The following OSBPL8 variants were observed in gnomAD, a reference collection of about 807,000 sequenced individuals.
OSBPL8 encodes oxysterol binding protein like 8, also known as oxysterol-binding protein-related protein 8.
OSBPL8 carries 59 observed loss-of-function variants against 125.5 expected under a neutral mutation model. The ratio of observed to expected loss-of-function variants is 0.47; its 90% CI spans 0.38 to 0.58. The LOEUF is 0.58. OSBPL8 is among the 20% of genes least tolerant of loss of function. The probability of loss-of-function intolerance (pLI) is 0.00; values close to 1 mark genes in which losing one functional copy is unlikely to be tolerated. For synonymous variants in OSBPL8, 330 were observed against 338.9 expected (o/e 0.97, Z 0.29); for missense variants, 758 against 1,047.8 (o/e 0.72, Z 3.82).
chr12:76,445,680 T>C (rs905459059), intron 4 of OSBPL8, among the ~76,000 whole-genome samples: 27 of 152,030 alleles, frequency 1.8e-4, no homozygotes, highest in African/African-American at 5.8e-4. Context: ...ACTAAACACC[T>C]ACTGGAATGA....
At chr12:76,458,963 A>ATAT (rs1254583520) in intron 3 of OSBPL8, among the ~76,000 whole-genome samples, 1 of 152,218 alleles carries the variant, frequency 6.6e-6, no homozygotes, top group African/African-American at 2.4e-5. Context: ...ATAATTTTCT[A>ATAT]TATTATTCAT....
intron 1 of OSBPL8, among the ~76,000 whole-genome samples, chr12:76,554,244 G>GA (rs920762418): frequency 1.3e-5 from 2 of 151,658 alleles, no homozygotes; most frequent in Non-Finnish European, 2.9e-5. Flanking sequence ...TAAAATGAGA[G>GA]AAAAAAAATC....
intron 1 of OSBPL8, among the ~76,000 whole-genome samples, chr12:76,489,057 G>C (rs1041645336): frequency 2.1e-4 from 32 of 152,144 alleles, no homozygotes; most frequent in Non-Finnish European, 1.9e-4. Context: ...TAGAAGATCA[G>C]GCTAATTATA....
At position 76,359,090 on chromosome 12, in the gene OSBPL8, T is replaced by A. The variant is rs143854951; in HGVS notation, c.2329-279A>T. Among the ~76,000 whole-genome samples, 120 of 152,344 alleles carry A rather than the reference T, an allele frequency of 7.9e-4. 2 individuals carry two copies. The highest frequency in any genetic ancestry group is 1.5e-3 in the South Asian group (7 of 4,826). Reference sequence around the variant, plus strand: ...CTAAATAGGTACCCATCACTATTAGTTTATATCCAGGGATATTATTATGTA... The same window carrying A: ...CTAAATAGGTACCCATCACTATTAGATTATATCCAGGGATATTATTATGTA... On this transcript the variant is annotated intron_variant, in intron 21 of 23. Coordinates refer to ENST00000261183, the MANE Select transcript of OSBPL8 (RefSeq NM_020841.5).
At chr12:76,503,291 C>T (rs1167789894) in intron 1 of OSBPL8, among the ~76,000 whole-genome samples, 1 of 152,182 alleles carries the variant, frequency 6.6e-6, no homozygotes, top group Non-Finnish European at 1.5e-5. Context: ...GACCTTTCTC[C>T]TTAGCTTGAG....
chr12:76,451,893 T>C (rs370566700), intron 3 of OSBPL8, among the ~76,000 whole-genome samples: 1 of 152,124 alleles, frequency 6.6e-6, no homozygotes. Context: ...TCGAGGTAGG[T>C]GGATCACCTG....
At chr12:76,512,741 T>C (rs780115932) in intron 1 of OSBPL8, among the ~76,000 whole-genome samples, 50 of 152,358 alleles carry the variant, frequency 3.3e-4, no homozygotes, top group Non-Finnish European at 6.3e-4. Flanking sequence ...AGTAGTTTGA[T>C]AGCAACAGCA....
chr12:76,374,866 C>G (rs771119703), intron 17 of OSBPL8, among the ~76,000 whole-genome samples: 3 of 152,104 alleles, frequency 2.0e-5, no homozygotes, highest in African/African-American at 7.2e-5. Context: ...ACTTATTACA[C>G]AGAAATAGTG....
chr12:76,536,575 A>C (rs1488466583), intron 1 of OSBPL8, among the ~76,000 whole-genome samples: 2 of 152,174 alleles, frequency 1.3e-5, no homozygotes, highest in Non-Finnish European at 2.9e-5. Flanking sequence ...GGTAAGTGTT[A>C]AGGTGAAGCA....
chr12:76,528,050 C>T (rs972056372), intron 1 of OSBPL8, among the ~76,000 whole-genome samples: 1 of 152,140 alleles, frequency 6.6e-6, no homozygotes, highest in Non-Finnish European at 1.5e-5. Context: ...TGGCCAGGCA[C>T]GGTGGCTCAC....
intron 1 of OSBPL8, among the ~76,000 whole-genome samples, chr12:76,554,750 G>A (rs1299908321): frequency 6.6e-6 from 1 of 152,032 alleles, no homozygotes; most frequent in Non-Finnish European, 1.5e-5. Context: ...CTTTTTATTT[G>A]AAAAAAGTCA....
intron 3 of OSBPL8, among the ~76,000 whole-genome samples, chr12:76,458,737 CTCT>C (rs552306624): frequency 1.6e-3 from 251 of 152,136 alleles, no homozygotes; most frequent in African/African-American, 5.8e-3. Context: ...TTTAAATCCT[CTCT>C]TTTTAGAAAA....
intron 4 of OSBPL8, among the ~76,000 whole-genome samples, chr12:76,440,040 C>T (rs1483162584): frequency 6.6e-6 from 1 of 152,026 alleles, no homozygotes; most frequent in African/African-American, 2.4e-5. Flanking sequence ...ACTTCTGAGC[C>T]TTTCTTCTTG....
chr12:76,362,119 G>C (rs1952229653), intron 21 of OSBPL8, among the ~76,000 whole-genome samples: 1 of 152,070 alleles, frequency 6.6e-6, no homozygotes, highest in Non-Finnish European at 1.5e-5. Context: ...AATGCTGGAG[G>C]CTTAAAATTT....
rs1293228750 is a variant in OSBPL8, at chr12:76,397,911, A to C, written c.469-14T>G. The C allele has an allele frequency of 6.2e-7, 1 of 1,607,614 alleles. No homozygotes were observed. The highest frequency in any genetic ancestry group is 2.2e-5 in the East Asian group (1 of 44,810). ...AGTACCACGAATCTACAGAAAGATA[A>C]ATTTATTTTAAAAAGGAAGATCTGT... On this transcript the variant is annotated splice_polypyrimidine_tract_variant and intron_variant, in intron 7 of 23. Transcript: ENST00000261183.
intron 14 of OSBPL8, 98 bp downstream of exon 14, chr12:76,386,070 A>G: frequency 6.8e-7 from 1 of 1,478,476 alleles, no homozygotes; most frequent in South Asian, 1.4e-5. Context: ...GAAATAAGAA[A>G]GGCTAAATAA....
intron 1 of OSBPL8, among the ~76,000 whole-genome samples, chr12:76,536,609 G>T (rs1289959127): frequency 6.6e-6 from 1 of 151,922 alleles, no homozygotes; most frequent in African/African-American, 2.4e-5. Flanking sequence ...AAAGTAACAT[G>T]GAATAAATCC....
chr12:76,457,969 CAT>C (rs1209736368), intron 3 of OSBPL8, among the ~76,000 whole-genome samples: 2 of 152,058 alleles, frequency 1.3e-5, no homozygotes, highest in Admixed American at 6.5e-5. Context: ...AACAACAAAA[CAT>C]AAAAATATTT....
intron 14 of OSBPL8, chr12:76,385,909 T>G: frequency 3.1e-6 from 1 of 324,640 alleles, no homozygotes; most frequent in Non-Finnish European, 5.0e-6. Flanking sequence ...AAAAAAAAAT[T>G]AAAAAAAGGG....
Sources: gnomAD v4.1 joint callset for allele counts (sites outside exome capture counted in the v4.1 genomes callset) on GRCh38, gnomAD v4.1.1 for gene constraint, MANE v1.5 for transcripts, NCBI Gene and HGNC (gene_info 2026-07-23, HGNC 2026-07-21) for gene names.